Variants in SP2 observed in about 807,000 individuals in gnomAD.
The protein encoded by SP2 is transcription factor Sp2.
SP2 carries 9 observed loss-of-function variants against 50.1 expected under a neutral mutation model. The observed-to-expected ratio is 0.18, with a 90% CI of 0.11 to 0.31. The LOEUF (loss-of-function observed/expected upper bound fraction) is 0.31. Among genes scored for constraint, SP2 ranks in the 10% least tolerant of loss-of-function variants. The pLI is 1.00. For missense variants in SP2, 581 were observed against 806.5 expected (o/e 0.72, Z 3.39); for synonymous variants, 313 against 326.6 (o/e 0.96, Z 0.45).
chr17:47,918,018 C>T (rs2035283539), intron 3 of SP2, among the ~76,000 whole-genome samples: 1 of 151,986 alleles, frequency 6.6e-6, no homozygotes, highest in Non-Finnish European at 1.5e-5. Flanking sequence ...AACCAGGAGT[C>T]AATTGAGATT....
At chr17:47,925,947 CGTTCTTT>C (rs2035632289) in intron 6 of SP2, among the ~76,000 whole-genome samples, 1 of 73,938 alleles carries the variant, frequency 1.4e-5, no homozygotes, top group Non-Finnish European at 2.5e-5. Flanking sequence ...GATGGAGTTT[CGTTCTTT>C]TGCCCAGGCT....
intron 1 of SP2, among the ~76,000 whole-genome samples, chr17:47,904,998 C>CT (rs2034702415): frequency 6.6e-6 from 1 of 152,194 alleles, no homozygotes; most frequent in Admixed American, 6.6e-5. Context: ...TCTTGAACCC[C>CT]TGGCCTCAAG....
Position 47,916,878 on chromosome 17 carries a change from G to C in SP2, c.807G>C (p.Leu269=). The part of the protein sequence containing the change: ...VAVAEQVETV[L]IETTADNIIQ... ...TGGCTGAGCAGGTGGAGACGGTGCTGATCGAGACCACCGCGGACAACATCA... is the reference window on the plus strand; with the variant it reads ...TGGCTGAGCAGGTGGAGACGGTGCTCATCGAGACCACCGCGGACAACATCA... Residue 269 remains leucine (L), a synonymous_variant, in exon 3 of 7, where the codon CTG becomes CTC. Coordinates refer to ENST00000376741, the MANE Select transcript of SP2 (RefSeq NM_003110.6). The surrounding 1 kb of genome is among the most constrained non-coding windows in gnomAD (Gnocchi z 4.7). 1.2e-6 allele frequency: 2 copies of C among 1,614,160 alleles called. No homozygotes were observed. The highest frequency in any genetic ancestry group is 1.7e-6 in the Non-Finnish European group (2 of 1,180,026).
At chr17:47,920,556 G>A (rs1014082491) in intron 3 of SP2, among the ~76,000 whole-genome samples, 8 of 152,160 alleles carry the variant, frequency 5.3e-5, no homozygotes, top group African/African-American at 1.9e-4. Context: ...AAAGTGCTGG[G>A]ATTACAGGCA....
intron 4 of SP2, 70 bp downstream of exon 4, chr17:47,923,344 G>A: frequency 3.0e-6 from 4 of 1,323,900 alleles, no homozygotes; most frequent in South Asian, 1.4e-5. Flanking sequence ...ACTATGGGCT[G>A]GCCCCGGGAT....
chr17:47,912,684 A>G lies in SP2; in HGVS notation c.8-2628A>G, dbSNP rs62067378. On this transcript the variant is annotated intron_variant, in intron 1 of 6. Coordinates refer to ENST00000376741, the MANE Select transcript of SP2 (RefSeq NM_003110.6). ...GGTCTCAAATTCCTGGCCTCAAGCA[A>G]TCCTCCCACTTCACCTTCCCGAAGT... 2.5e-3 allele frequency among the ~76,000 whole-genome samples: 383 copies of G among 151,632 alleles called. 3 individuals carry two copies. Among genetic ancestry groups the G allele is most frequent in the Middle Eastern group, 0.01 (3 of 288 alleles).
chr17:47,901,253 T>G (rs2034530103), intron 1 of SP2, among the ~76,000 whole-genome samples: 1 of 150,530 alleles, frequency 6.6e-6, no homozygotes, highest in African/African-American at 2.5e-5. Context: ...GTTCAAGCGA[T>G]TCTCCTGTCT....
Position 47,923,271 on chromosome 17 carries a change from G to C in SP2, c.1369G>C (p.Gly457Arg), listed in dbSNP as rs1293669432. 6.3e-7 allele frequency: 1 copy of C among 1,599,734 alleles called. No individual in the cohort carries two copies. The highest frequency in any genetic ancestry group is 8.5e-7 in the Non-Finnish European group (1 of 1,177,476). ...QGVPVTITNT[G>R]GQQQLTVQNV... is the part of the protein sequence containing the mutation. ...CGTGCCTGTCACCATCACCAACACAGGCGGTGAGGATGGCCCCTGTGGCCA... is the reference window on the plus strand; with the variant it reads ...CGTGCCTGTCACCATCACCAACACACGCGGTGAGGATGGCCCCTGTGGCCA... Residue 457 changes from glycine (G) to arginine (R), a missense_variant, in exon 4 of 7, where the codon GGC becomes CGC. Gly to Arg is a moderately radical substitution (Grantham distance 125, BLOSUM62 -2). This residue lies in a region of SP2 where 184 missense variants were observed against 315.5 expected (regional missense o/e 0.58). Transcript: ENST00000376741.
chr17:47,909,075 G>A (rs143488389), intron 1 of SP2, among the ~76,000 whole-genome samples: 7 of 152,236 alleles, frequency 4.6e-5, no homozygotes, highest in African/African-American at 1.7e-4. Context: ...TCTACCCTTT[G>A]AACCCATGTC....
At chr17:47,917,155 C>T in intron 3 of SP2, 25 bp downstream of exon 3, 1 of 1,559,332 alleles carries the variant, frequency 6.4e-7, no homozygotes, top group South Asian at 1.2e-5. Context: ...GTACTGTCCT[C>T]CTTCTCCTCC....
At chr17:47,912,255 G>A (rs1367507016) in intron 1 of SP2, among the ~76,000 whole-genome samples, 4 of 152,014 alleles carry the variant, frequency 2.6e-5, no homozygotes, top group Non-Finnish European at 5.9e-5. Context: ...GTAATATTAC[G>A]GGATCTGCAT....
At chr17:47,900,372 G>T in intron 1 of SP2, 1 of 152,232 alleles carries the variant, frequency 6.6e-6, no homozygotes, top group East Asian at 1.9e-4. Context: ...AATCTTCTTA[G>T]ATCAGCCTAG....
chr17:47,920,179 C>T (rs1598156433), intron 3 of SP2, among the ~76,000 whole-genome samples: 1 of 151,546 alleles, frequency 6.6e-6, no homozygotes, highest in South Asian at 2.1e-4. Context: ...CAGCTCTTTT[C>T]AGGTCGGCTC....
At chr17:47,903,446 A>G (rs1474653014) in intron 1 of SP2, among the ~76,000 whole-genome samples, 1 of 151,598 alleles carries the variant, frequency 6.6e-6, no homozygotes, top group East Asian at 2.0e-4. Context: ...CGGGCAGATC[A>G]CTTGAGGTTA....
At chr17:47,918,469 G>A (rs994175580) in intron 3 of SP2, 2 of 152,102 alleles carry the variant, frequency 1.3e-5, no homozygotes, top group African/African-American at 4.8e-5. Context: ...GTGAAGAATT[G>A]TGGCACCTGC....
chr17:47,920,684 G>A (rs72840237), intron 3 of SP2, among the ~76,000 whole-genome samples: 65,554 of 151,822 alleles, frequency 0.43, 14,513 homozygotes, highest in East Asian at 0.76. Flanking sequence ...GCCTCCCAAA[G>A]TGCTGGGATT....
In SP2 at chr17:47,914,357, G is replaced by C. The variant is rs569862421; in HGVS notation, c.8-955G>C. ...TTGCACTCCAGCCTGGGCAACAAGA[G>C]TGAAACTCCTTCTCAAAAAAAAAAA... On this transcript the variant is annotated intron_variant, in intron 1 of 6. Transcript: ENST00000376741. Among the ~76,000 whole-genome samples the C allele has an allele frequency of 2.6e-5, 4 of 151,004 alleles. No homozygotes were observed. The South Asian group carries it at 8.3e-4, about 31-fold the overall frequency.
chr17:47,920,290 ATTT>A (rs71141941), intron 3 of SP2, among the ~76,000 whole-genome samples: 3 of 124,216 alleles, frequency 2.4e-5, no homozygotes, highest in African/African-American at 3.0e-5. Context: ...TAATTTTTGA[ATTT>A]TTTTTTTTTT....
intron 2 of SP2, among the ~76,000 whole-genome samples, chr17:47,915,918 G>A (rs2035183020): frequency 6.6e-6 from 1 of 152,132 alleles, no homozygotes; most frequent in Non-Finnish European, 1.5e-5. Flanking sequence ...TGTCTGTGGG[G>A]TGCTGCCAGG....
Sources: allele counts gnomAD v4.1 joint callset (sites outside exome capture counted in the v4.1 genomes callset), GRCh38; gene constraint gnomAD v4.1.1; regional missense constraint gnomAD v4.1.1; non-coding constraint Gnocchi (gnomAD v3.1); transcripts MANE v1.5; gene names NCBI Gene and HGNC (gene_info 2026-07-23, HGNC 2026-07-21).